Variants in EPN2 observed in about 807,000 individuals in gnomAD.
The protein encoded by EPN2 is epsin-2.
Under a neutral mutation model 61.7 loss-of-function variants are expected in EPN2, and 34 were observed. The observed-to-expected ratio is 0.55, with a 90% CI of 0.42 to 0.73. The LOEUF (loss-of-function observed/expected upper bound fraction) is 0.73, where lower values mean the gene tolerates loss of function less well. EPN2 is among the 30% of genes least tolerant of loss of function. The pLI is 0.00. For missense variants in EPN2, 714 were observed against 839.2 expected, an observed-to-expected ratio of 0.85 and a Z score of 1.84; for synonymous variants, 349 against 353.6, an observed-to-expected ratio of 0.99 and a Z score of 0.15.
Position 19,328,768 on chromosome 17 carries a change from A to G in EPN2, c.1205A>G (p.Gln402Arg). ...GGGGTGCCCACTGGAGCCACCGTAC[A>G]ATCTGTCCCCAAGAACTCGGACCCC... ...PWGVPTGATV[Q>R]SVPKNSDPWA... The change falls in exon 8 of 11, where the codon CAA becomes CGA. Residue 402 changes from glutamine (Q) to arginine (R), a missense_variant. Around this residue, in one of 2 missense-constraint regions of EPN2, gnomAD observed 410 missense variants for 421.8 expected, o/e 0.97. Transcript: ENST00000314728. The G allele has an allele frequency of 1.2e-6, 2 of 1,613,376 alleles. No homozygotes were observed. The highest frequency in any genetic ancestry group is 1.7e-6 in the Non-Finnish European group (2 of 1,179,528).
chr17:19,254,596 A>G (rs1353504880), intron 1 of EPN2, among the ~76,000 whole-genome samples: 2 of 152,134 alleles, frequency 1.3e-5, no homozygotes, highest in East Asian at 3.8e-4. Context: ...TAATGTTAGT[A>G]TGTAAGGGAC....
intron 7 of EPN2, among the ~76,000 whole-genome samples, chr17:19,324,451 A>G (rs1192380494): frequency 6.6e-6 from 1 of 152,176 alleles, no homozygotes; most frequent in Non-Finnish European, 1.5e-5. Context: ...CTCCTGCCTC[A>G]GTCTCCCGAG....
At chr17:19,310,394 C>T (rs570529738) in intron 5 of EPN2, among the ~76,000 whole-genome samples, 3 of 152,170 alleles carry the variant, frequency 2.0e-5, no homozygotes, top group East Asian at 1.9e-4. Context: ...GCCCAGCCCC[C>T]GCCAAGCACT....
chr17:19,257,520 TC>T (rs1391439350), intron 1 of EPN2, among the ~76,000 whole-genome samples: 3 of 117,644 alleles, frequency 2.6e-5, no homozygotes, highest in African/African-American at 1.7e-4. Flanking sequence ...TCTCTCTCTC[TC>T]TCTTTTTTTT....
In EPN2 at chr17:19,256,589, C is replaced by T. The variant is rs115822699; in HGVS notation, c.-294+19058C>T. On this transcript the variant is annotated intron_variant, in intron 1 of 10. Coordinates refer to ENST00000314728, the MANE Select transcript of EPN2 (RefSeq NM_014964.5). ...GGACCAAAGGCCAGTGGTATGAGCTCAGAGAAGCCTCGTAAAGGGGATTAT... is the reference window on the plus strand; with the variant it reads ...GGACCAAAGGCCAGTGGTATGAGCTTAGAGAAGCCTCGTAAAGGGGATTAT... Among the ~76,000 whole-genome samples the T allele has an allele frequency of 1.1e-3, 172 of 152,124 alleles. 1 individual carries two copies. Among genetic ancestry groups the T allele is most frequent in the African/African-American group, 3.9e-3 (163 of 41,504 alleles).
At chr17:19,254,227 A>G (rs1037634622) in intron 1 of EPN2, among the ~76,000 whole-genome samples, 2 of 151,484 alleles carry the variant, frequency 1.3e-5, no homozygotes, top group African/African-American at 4.9e-5. Context: ...AAGGAAAGGA[A>G]AGGAAGGAAG....
chr17:19,290,040 T>C (rs2045447487), intron 4 of EPN2, among the ~76,000 whole-genome samples: 1 of 152,110 alleles, frequency 6.6e-6, no homozygotes, highest in South Asian at 2.1e-4. Flanking sequence ...CATGTTTACT[T>C]GGTGGTCTTG....
rs201478046 is a variant in EPN2, at chr17:19,270,145, TAAG to T, written c.-293-11804_-293-11802del. 1.5e-3 allele frequency among the ~76,000 whole-genome samples: 226 copies of T among 152,278 alleles called. 6 individuals are homozygous for T. In the East Asian group the frequency reaches 0.036, roughly 24 times the overall value. On this transcript the variant is annotated intron_variant, in intron 1 of 10. Transcript: ENST00000314728. The stretch of plus-strand genomic sequence containing the variant: ...CTTTTCCTCCTCTGTAAGATATGAA[TAAG>T]AAGAATAACTCCTCCATAGGATTGT...
At chr17:19,313,798 G>C (rs1567865206) in intron 7 of EPN2, 1 of 152,948 alleles carries the variant, frequency 6.5e-6, no homozygotes, top group Non-Finnish European at 1.5e-5. Context: ...TGCTTAATGT[G>C]AGATGTAAGA....
intron 4 of EPN2, among the ~76,000 whole-genome samples, chr17:19,286,599 G>GGC (rs1452396673): frequency 6.6e-6 from 1 of 152,116 alleles, no homozygotes; most frequent in Non-Finnish European, 1.5e-5. Context: ...TACAAGAAGG[G>GGC]GCACGACAGA....
At position 19,283,065 on chromosome 17, in the gene EPN2, G is replaced by C; in HGVS notation, c.-55G>C. 5.2e-6 allele frequency: 7 copies of C among 1,353,842 alleles called. No individual in the cohort carries two copies. The highest frequency in any genetic ancestry group is 7.2e-6 in the Non-Finnish European group (7 of 973,946). The allele number at this position is 1,353,842 out of a possible 1,614,324, so 83.9% of individuals were successfully genotyped here. ...CTTCATAGGGTGCGCACTTACCAAG[G>C]ACAGGAAGGTTTCTCTGTTTGAAGG... On this transcript the variant is annotated 5_prime_UTR_variant, in exon 3 of 11. Coordinates refer to ENST00000314728, the MANE Select transcript of EPN2 (RefSeq NM_014964.5). This position sits in a 1 kb window ranked among gnomAD's most constrained non-coding sequence, Gnocchi z 7.0.
Position 19,334,232 on chromosome 17 carries a change from C to A in EPN2, c.1904C>A (p.Thr635Lys). ...IPPSAAQATGTTNPFLL is the reference protein window; with the variant it reads ...IPPSAAQATGKTNPFLL ...CCATCAGCAGCCCAGGCCACTGGCACAACCAACCCTTTCCTTCTCTAGTGC... is the reference window on the plus strand; with the variant it reads ...CCATCAGCAGCCCAGGCCACTGGCAAAACCAACCCTTTCCTTCTCTAGTGC... The change falls in exon 11 of 11, where the codon ACA (threonine) becomes AAA (lysine). Residue 635 changes from threonine (T) to lysine (K), a missense_variant. Thr to Lys is a moderately conservative substitution (Grantham distance 78). Around this residue, in one of 2 missense-constraint regions of EPN2, gnomAD observed 410 missense variants for 421.8 expected, o/e 0.97. Transcript: ENST00000314728. This position sits in a 1 kb window ranked among gnomAD's most constrained non-coding sequence, Gnocchi z 4.9. 6.7e-7 allele frequency: 1 copy of A among 1,481,750 alleles called. No individual in the cohort carries two copies. Among genetic ancestry groups the A allele is most frequent in the East Asian group, 2.5e-5 (1 of 39,710 alleles). The allele number at this position is 1,481,750 out of a possible 1,614,324, so 91.8% of individuals were successfully genotyped here.
intron 4 of EPN2, among the ~76,000 whole-genome samples, chr17:19,291,913 C>G (rs1306010974): frequency 6.6e-6 from 1 of 152,126 alleles, no homozygotes; most frequent in Admixed American, 6.5e-5. Flanking sequence ...TGGCCTCAGC[C>G]CTGCTTGCCC....
intron 1 of EPN2, among the ~76,000 whole-genome samples, chr17:19,246,736 TC>T (rs11376999): frequency 0.028 from 4,158 of 146,740 alleles, 291 homozygotes; most frequent in South Asian, 0.18. Flanking sequence ...GTTTTTTTTT[TC>T]CCCCCTGAAA....
At chr17:19,304,718 G>A (rs1905738717) in intron 4 of EPN2, among the ~76,000 whole-genome samples, 1 of 152,222 alleles carries the variant, frequency 6.6e-6, no homozygotes, top group Non-Finnish European at 1.5e-5. Context: ...CACTGATGTG[G>A]GAGCAGAAGC....
At chr17:19,268,304 G>A (rs1243634030) in intron 1 of EPN2, among the ~76,000 whole-genome samples, 2 of 152,228 alleles carry the variant, frequency 1.3e-5, no homozygotes, top group Admixed American at 6.5e-5. Context: ...TGGGGATCTG[G>A]TCACACAGTG....
intron 1 of EPN2, among the ~76,000 whole-genome samples, chr17:19,253,528 C>T (rs2045038963): frequency 6.6e-6 from 1 of 151,636 alleles, no homozygotes; most frequent in African/African-American, 2.4e-5. Flanking sequence ...GATCTTCCCA[C>T]CTCAGCCTCC....
intron 7 of EPN2, among the ~76,000 whole-genome samples, chr17:19,322,422 C>T (rs565983995): frequency 2.6e-5 from 4 of 152,194 alleles, no homozygotes; most frequent in East Asian, 1.9e-4. Context: ...TAGCTGATCC[C>T]GGCCAAAAGT....
intron 4 of EPN2, among the ~76,000 whole-genome samples, chr17:19,293,997 G>A (rs1264348937): frequency 6.6e-6 from 1 of 151,988 alleles, no homozygotes; most frequent in Non-Finnish European, 1.5e-5. Context: ...AGCTGAGGCA[G>A]GAGATTGCTT....
Sources: allele counts gnomAD v4.1 joint callset (sites outside exome capture counted in the v4.1 genomes callset), GRCh38; gene constraint gnomAD v4.1.1; regional missense constraint gnomAD v4.1.1; non-coding constraint Gnocchi (gnomAD v3.1); transcripts MANE v1.5; gene names NCBI Gene and HGNC (gene_info 2026-07-23, HGNC 2026-07-21).